The following ARHGAP15 variants were observed in gnomAD, a reference collection of about 807,000 sequenced individuals.
The protein encoded by ARHGAP15 is rho GTPase-activating protein 15.
ARHGAP15 carries 51 observed loss-of-function variants against 63.7 expected under a neutral mutation model. The ratio of observed to expected loss-of-function variants is 0.80; its 90% CI spans 0.64 to 1.01. The LOEUF (loss-of-function observed/expected upper bound fraction) is 1.01. ARHGAP15 is among the 50% of genes least tolerant of loss of function. ARHGAP15 has a pLI of 0.00. For synonymous variants in ARHGAP15, 191 were observed against 193.8 expected (o/e 0.99, Z 0.12); for missense variants, 560 against 564.6 (o/e 0.99, Z 0.08).
At chr2:143,727,910 T>C (rs1459194128) in intron 13 of ARHGAP15, among the ~76,000 whole-genome samples, 1 of 152,262 alleles carries the variant, frequency 6.6e-6, no homozygotes, top group Non-Finnish European at 1.5e-5. Context: ...ACGTTTGTTT[T>C]ATAATTAAAG....
chr2:143,501,122 G>A (rs769687015), intron 9 of ARHGAP15, among the ~76,000 whole-genome samples: 2 of 152,154 alleles, frequency 1.3e-5, no homozygotes, highest in Non-Finnish European at 1.5e-5. Flanking sequence ...GAAATAAGCC[G>A]ATGGTATAAA....
At chr2:143,171,314 A>G (rs1320624655) in intron 2 of ARHGAP15, among the ~76,000 whole-genome samples, 1 of 152,102 alleles carries the variant, frequency 6.6e-6, no homozygotes, top group Non-Finnish European at 1.5e-5. Context: ...CCTGTGCTAC[A>G]CAGGTGTTGT....
In ARHGAP15 at chr2:143,435,393, C is replaced by G. The variant is rs749243103; in HGVS notation, c.475-208C>G. ...TGACTTAATCGTTCTATTATTAAAA[C>G]AATAATGTATTTGTTATGACGTGAA... On this transcript the variant is annotated intron_variant, in intron 6 of 13. Coordinates refer to ENST00000295095, the MANE Select transcript of ARHGAP15 (RefSeq NM_018460.4). 16 of 1,165,794 alleles carry G rather than the reference C, an allele frequency of 1.4e-5. No homozygotes were observed. The East Asian group carries it at 5.2e-4, about 38-fold the overall frequency. 72.2% of individuals were successfully genotyped at this position (1,165,794 alleles called of 1,614,324 possible).
chr2:143,326,314 T>C (rs558722695), intron 6 of ARHGAP15, among the ~76,000 whole-genome samples: 1 of 152,208 alleles, frequency 6.6e-6, no homozygotes, highest in Non-Finnish European at 1.5e-5. Context: ...GCAACACTTA[T>C]GAAGTAGTTG....
chr2:143,398,388 G>A (rs538394371), intron 6 of ARHGAP15, among the ~76,000 whole-genome samples: 1 of 152,206 alleles, frequency 6.6e-6, no homozygotes, highest in African/African-American at 2.4e-5. Context: ...TGTTGTAAAT[G>A]CAAACCTGTA....
At chr2:143,282,637 G>T (rs1193734130) in intron 6 of ARHGAP15, among the ~76,000 whole-genome samples, 1 of 152,072 alleles carries the variant, frequency 6.6e-6, no homozygotes, top group Non-Finnish European at 1.5e-5. Context: ...ATGAGATTTG[G>T]GTGGGGACAC....
At chr2:143,709,591 A>G (rs1356244517) in intron 13 of ARHGAP15, among the ~76,000 whole-genome samples, 2 of 152,018 alleles carry the variant, frequency 1.3e-5, no homozygotes, top group Non-Finnish European at 2.9e-5. Context: ...ACTAATGCCA[A>G]TTGAATGCCT....
chr2:143,714,063 A>G (rs2105447200), intron 13 of ARHGAP15, among the ~76,000 whole-genome samples: 1 of 152,328 alleles, frequency 6.6e-6, no homozygotes, highest in African/African-American at 2.4e-5. Flanking sequence ...CTCTGACCCC[A>G]CATTTCCCTT....
At chr2:143,516,126 T>A (rs1000344519) in intron 9 of ARHGAP15, among the ~76,000 whole-genome samples, 1 of 152,224 alleles carries the variant, frequency 6.6e-6, no homozygotes, top group Non-Finnish European at 1.5e-5. Flanking sequence ...AGTTTTCTCA[T>A]GATAAAATGT....
chr2:143,557,365 T>C (rs914302027), intron 11 of ARHGAP15, among the ~76,000 whole-genome samples: 2 of 152,066 alleles, frequency 1.3e-5, no homozygotes, highest in Non-Finnish European at 2.9e-5. Flanking sequence ...TAAATGCATA[T>C]GCTGAGTAAA....
Position 143,202,049 on chromosome 2 carries a change from A to G in ARHGAP15, c.166-85A>G. 3.0e-6 allele frequency: 3 copies of G among 1,010,536 alleles called. No individual in the cohort carries two copies. In the South Asian group the frequency reaches 3.9e-5, roughly 13 times the overall value. The allele number at this position is 1,010,536 out of a possible 1,614,324, so 62.6% of individuals were successfully genotyped here. On this transcript the variant is annotated intron_variant, in intron 2 of 13. Coordinates refer to ENST00000295095, the MANE Select transcript of ARHGAP15 (RefSeq NM_018460.4). The stretch of plus-strand genomic sequence containing the variant: ...TACTTAATTCACATGCTTGAATAAC[A>G]CTGAATTGGTTATTTTATGTGTATT...
chr2:143,462,092 G>A (rs539517639), intron 8 of ARHGAP15, among the ~76,000 whole-genome samples: 110 of 152,160 alleles, frequency 7.2e-4, no homozygotes, highest in Admixed American at 1.9e-3. Flanking sequence ...CCTGGGAGGC[G>A]GAGGTTACAG....
chr2:143,420,738 G>A (rs1417712915), intron 6 of ARHGAP15, among the ~76,000 whole-genome samples: 1 of 152,106 alleles, frequency 6.6e-6, no homozygotes, highest in African/African-American at 2.4e-5. Context: ...GAGCATAAAG[G>A]CATGTGTTGA....
At chr2:143,254,065 T>G (rs1039767052) in intron 6 of ARHGAP15, among the ~76,000 whole-genome samples, 3 of 152,154 alleles carry the variant, frequency 2.0e-5, no homozygotes, top group Non-Finnish European at 4.4e-5. Context: ...ACACTAGGTC[T>G]TCATCAGGGA....
At chr2:143,753,562 A>G (rs1445319874) in intron 13 of ARHGAP15, among the ~76,000 whole-genome samples, 1 of 152,230 alleles carries the variant, frequency 6.6e-6, no homozygotes, top group Middle Eastern at 3.2e-3. Flanking sequence ...CCATTCCTTC[A>G]ACGTAGTACA....
At chr2:143,592,786 G>C (rs1157479958) in intron 11 of ARHGAP15, among the ~76,000 whole-genome samples, 1 of 152,208 alleles carries the variant, frequency 6.6e-6, no homozygotes, top group African/African-American at 2.4e-5. Flanking sequence ...TTGTATTGTA[G>C]CCAATATGAA....
intron 8 of ARHGAP15, among the ~76,000 whole-genome samples, chr2:143,465,928 C>G (rs564686120): frequency 2.0e-5 from 3 of 152,286 alleles, no homozygotes; most frequent in Admixed American, 6.5e-5. Context: ...GTTGGATACT[C>G]TATGTCTCTG....
At chr2:143,593,563 A>G (rs1429241493) in intron 11 of ARHGAP15, among the ~76,000 whole-genome samples, 1 of 152,172 alleles carries the variant, frequency 6.6e-6, no homozygotes, top group East Asian at 1.9e-4. Flanking sequence ...TTTTATGATT[A>G]TGTGATCAGG....
At chr2:143,574,488 TAA>T (rs2105128566) in intron 11 of ARHGAP15, among the ~76,000 whole-genome samples, 1 of 151,888 alleles carries the variant, frequency 6.6e-6, no homozygotes, top group South Asian at 2.1e-4. Flanking sequence ...ATAATAATAA[TAA>T]AATTAAAAAA....
Sources: allele counts gnomAD v4.1 joint callset (sites outside exome capture counted in the v4.1 genomes callset), GRCh38; gene constraint gnomAD v4.1.1; transcripts MANE v1.5; gene names NCBI Gene and HGNC (gene_info 2026-07-23, HGNC 2026-07-21).